The following SIGLEC1 variants were observed in gnomAD, a reference collection of about 807,000 sequenced individuals.
SIGLEC1 encodes the protein sialoadhesin.
In SIGLEC1, 132 loss-of-function variants were observed where a neutral mutation model predicts 148.0. The observed-to-expected ratio is 0.89, with a 90% confidence interval of 0.77 to 1.03. The LOEUF (loss-of-function observed/expected upper bound fraction) is 1.03. Ranked by LOEUF, SIGLEC1 falls within the 50% of genes least tolerant of loss-of-function variation. The pLI, the probability that SIGLEC1 is intolerant of heterozygous loss-of-function variation, is 0.00. For missense variants in SIGLEC1, 2,253 were observed against 2,271.4 expected (o/e 0.99, Z 0.16); for synonymous variants, 945 against 969.0 (o/e 0.98, Z 0.46).
chr20:3,703,581 G>A (rs1486405147), intron 5 of SIGLEC1, 130 bp from the exon 6 acceptor site: 12 of 1,264,476 alleles, frequency 9.5e-6, no homozygotes, highest in Non-Finnish European at 1.3e-5. Flanking sequence ...GCTGCTACAG[G>A]GGAGCCTCCT....
At chr20:3,692,302 A>G (rs1271885872) in intron 16 of SIGLEC1, 100 bp from the exon 17 acceptor site, 3 of 1,282,890 alleles carry the variant, frequency 2.3e-6, no homozygotes, top group African/African-American at 1.5e-5. Context: ...CTCTGGACCA[A>G]TGGCCACTTC....
chr20:3,698,246 G>A, intron 8 of SIGLEC1, 113 bp from the exon 9 acceptor site: 1 of 949,122 alleles, frequency 1.1e-6, no homozygotes, highest in Non-Finnish European at 1.6e-6. Context: ...GCTGCCCCAA[G>A]CAGCTGTGCA....
Position 3,692,036 on chromosome 20 carries a change from T to G in SIGLEC1, c.4197A>C (p.Thr1399=), listed in dbSNP as rs1177484890. 2.5e-6 allele frequency: 4 copies of G among 1,613,160 alleles called. No homozygotes were observed. The South Asian group carries it at 4.4e-5, about 18-fold the overall frequency. ...SSGVHSLASG[T]GHVQVARNAL... ...CGTTTCGGGCCACCTGGACATGGCC[T>G]GTCCCTGATGCCAAGCTGTGGACCC... is the stretch of plus-strand genomic sequence containing the variant. Residue 1399 remains threonine, a synonymous_variant, in exon 17 of 22, where the codon ACA becomes ACC. Coordinates refer to ENST00000344754, the MANE Select transcript of SIGLEC1 (RefSeq NM_023068.4).
At position 3,697,163 on chromosome 20, in the gene SIGLEC1, C is replaced by A; in HGVS notation, c.2302G>T (p.Asp768Tyr). ...ATGCGGCAGGCGTAAAGGGCAGCAT[C>A]AGTTCTGGCCACGGGCAGCAGTGTC... ...TVTLLPVARTDAALYACRILT... is the reference protein window; with the variant it reads ...TVTLLPVARTYAALYACRILT... Residue 768 changes from aspartate (D) to tyrosine (Y), a missense_variant, in exon 10 of 22, where the codon GAT becomes TAT. Transcript: ENST00000344754. 1.9e-6 allele frequency: 3 copies of A among 1,613,826 alleles called. No individual in the cohort carries two copies. Among genetic ancestry groups the A allele is most frequent in the Non-Finnish European group, 2.5e-6 (3 of 1,180,044 alleles).
Position 3,707,163 on chromosome 20 carries a change from G to A in SIGLEC1, c.-35C>T. 1 of 1,609,326 alleles carries A rather than the reference G, an allele frequency of 6.2e-7. No homozygotes were observed. On this transcript the variant is annotated 5_prime_UTR_variant, in exon 2 of 22. Transcript: ENST00000344754. Reference sequence around the variant, plus strand: ...TTGTGCTGCTCCTGTTGCCTAAGAGGGTGGTGCGCACTGCGCTGGCTGGGC... The same window carrying A: ...TTGTGCTGCTCCTGTTGCCTAAGAGAGTGGTGCGCACTGCGCTGGCTGGGC...
At position 3,703,307 on chromosome 20, in the gene SIGLEC1, T is replaced by C. The variant is rs1269268655; in HGVS notation, c.1118A>G (p.His373Arg). 2 of 1,614,036 alleles carry C rather than the reference T, an allele frequency of 1.2e-6. No homozygotes were observed. Among genetic ancestry groups the C allele is most frequent in the Non-Finnish European group, 1.7e-6 (2 of 1,180,024 alleles). ...NHVLLEDAHS[H>R]TLRLHLATRA... The stretch of plus-strand genomic sequence containing the variant: ...AGTGGCCAAGTGCAGCCGGAGGGTA[T>C]GGGAGTGGGCATCCTCCAGCAGGAC... Residue 373 changes from histidine to arginine, a missense_variant, in exon 6 of 22, where the codon CAT becomes CGT. Transcript: ENST00000344754.
chr20:3,709,861 C>T (rs1396196553), intron 1 of SIGLEC1, among the ~76,000 whole-genome samples: 1 of 152,144 alleles, frequency 6.6e-6, no homozygotes, highest in Non-Finnish European at 1.5e-5. Flanking sequence ...TACGTATATT[C>T]AGAGACTGAA....
chr20:3,698,721 C>T (rs1475606441), intron 8 of SIGLEC1, among the ~76,000 whole-genome samples: 33 of 152,198 alleles, frequency 2.2e-4, no homozygotes, highest in Non-Finnish European at 1.3e-4. Context: ...AGTTCCGGGA[C>T]GTGGCTCCGG....
Position 3,691,926 on chromosome 20 carries a change from G to T in SIGLEC1, c.4307C>A (p.Thr1436Asn). The T allele has an allele frequency of 4.4e-6, 7 of 1,587,868 alleles. No individual in the cohort carries two copies. The highest frequency in any genetic ancestry group is 6.0e-6 in the Non-Finnish European group (7 of 1,160,996). Residue 1436 changes from threonine (T) to asparagine (N), a missense_variant, in exon 17 of 22, where the codon ACC becomes AAC. Thr to Asn is a moderately conservative substitution (Grantham distance 65). Coordinates refer to ENST00000344754, the MANE Select transcript of SIGLEC1 (RefSeq NM_023068.4). ...ACCTTCTACCTGCAACCGCCCGATG[G>T]TGCTGATTGAGCCCAGCAAGTTTTG... is the stretch of plus-strand genomic sequence containing the variant. ...TAQNLLGSIS[T>N]IGRLQVEGAR...
rs982480523 is a variant in SIGLEC1, at chr20:3,692,024, C to G, written c.4209G>C (p.Gln1403His). The change falls in exon 17 of 22, where the codon CAG becomes CAC. Residue 1403 changes from glutamine (Q) to histidine (H), a missense_variant. Physicochemically the swap from Gln to His is conservative, Grantham distance 24. Transcript: ENST00000344754. ...GCAGCCGTAGGGCGTTTCGGGCCAC[C>G]TGGACATGGCCTGTCCCTGATGCCA... is the stretch of plus-strand genomic sequence containing the variant. ...HSLASGTGHV[Q>H]VARNALRLQV... The G allele has an allele frequency of 6.2e-7, 1 of 1,613,382 alleles. No homozygotes were observed. Among genetic ancestry groups the G allele is most frequent in the Non-Finnish European group, 8.5e-7 (1 of 1,179,822 alleles).
At chr20:3,690,409 C>T (rs1412369133) in intron 18 of SIGLEC1, 145 bp from the exon 19 acceptor site, 1 of 698,072 alleles carries the variant, frequency 1.4e-6, no homozygotes, top group African/African-American at 1.8e-5. Flanking sequence ...CTCAGTTTGA[C>T]CAATTGAAGA....
rs1286262394 is a variant in SIGLEC1, at chr20:3,688,468, C to G, written c.*92G>C. Reference sequence around the variant, plus strand: ...ACAGAGCTGTTTTCGTAGAGGCGGGCAGGACTCAACACTGCCTCATTCACA... The same window carrying G: ...ACAGAGCTGTTTTCGTAGAGGCGGGGAGGACTCAACACTGCCTCATTCACA... On this transcript the variant is annotated 3_prime_UTR_variant, in exon 22 of 22. Coordinates refer to ENST00000344754, the MANE Select transcript of SIGLEC1 (RefSeq NM_023068.4). 1.9e-6 allele frequency: 2 copies of G among 1,074,740 alleles called. No homozygotes were observed. Among genetic ancestry groups the G allele is most frequent in the Non-Finnish European group, 2.8e-6 (2 of 713,858 alleles). 66.6% of individuals were successfully genotyped at this position (1,074,740 alleles called of 1,614,324 possible).
At chr20:3,703,115 C>T (rs754011722) in intron 6 of SIGLEC1, 82 bp downstream of exon 6, 5 of 1,577,316 alleles carry the variant, frequency 3.2e-6, no homozygotes, top group South Asian at 1.1e-5. Context: ...TTCCCATGCC[C>T]AGGACCCCAA....
At chr20:3,711,022 G>A (rs1418306626) in intron 1 of SIGLEC1, among the ~76,000 whole-genome samples, 1 of 152,114 alleles carries the variant, frequency 6.6e-6, no homozygotes, top group African/African-American at 2.4e-5. Flanking sequence ...CCCGCCCCCC[G>A]CCCCCCGCAA....
chr20:3,702,725 G>A (rs1222439414), intron 6 of SIGLEC1, among the ~76,000 whole-genome samples: 3 of 152,048 alleles, frequency 2.0e-5, no homozygotes, highest in Non-Finnish European at 2.9e-5. Flanking sequence ...TAAATATGTA[G>A]GTAGATACAT....
In SIGLEC1 at chr20:3,688,364, A is replaced by C. The variant is rs1477350510; in HGVS notation, c.*196T>G. ...CTCTTCAGTGTCCTCCAGGGTCAAC[A>C]CCCTCCTGGGCAGACCTCTCACCAC... On this transcript the variant is annotated 3_prime_UTR_variant, in exon 22 of 22. Transcript: ENST00000344754. 1.6e-6 allele frequency: 1 copy of C among 630,360 alleles called. No individual in the cohort carries two copies. Among genetic ancestry groups the C allele is most frequent in the Non-Finnish European group, 2.9e-6 (1 of 345,470 alleles). The allele number at this position is 630,360 out of a possible 1,614,324, so 39.0% of individuals were successfully genotyped here. A position where few individuals can be genotyped will look rare whatever the true frequency, so the allele number is the denominator to read the frequency against.
At position 3,687,718 on chromosome 20, in the gene SIGLEC1, C is replaced by A. The variant is rs1279081594; in HGVS notation, c.*842G>T. The A allele has an allele frequency of 6.6e-6, 1 of 152,214 alleles. No homozygotes were observed. The highest frequency in any genetic ancestry group is 2.4e-5 in the African/African-American group (1 of 41,442). The allele number at this position is 152,214 out of a possible 1,614,324, so 9.4% of individuals were successfully genotyped here. A position where few individuals can be genotyped will look rare whatever the true frequency, so the allele number is the denominator to read the frequency against. ...CAAAACATGGCCTGCTGGTGGCATT[C>A]CCAACAATGTCAAAAGTCTCAGGGA... On this transcript the variant is annotated 3_prime_UTR_variant, in exon 22 of 22. Coordinates refer to ENST00000344754, the MANE Select transcript of SIGLEC1 (RefSeq NM_023068.4).
chr20:3,706,369 T>C lies in SIGLEC1; in HGVS notation c.387A>G (p.Lys129=). The change falls in exon 3 of 22, where the codon AAA becomes AAG. Residue 129 remains lysine, a synonymous_variant. Coordinates refer to ENST00000344754, the MANE Select transcript of SIGLEC1 (RefSeq NM_023068.4). ...ISEVNRWSDV[K]GTLVTVTEEP... ...CACCTGTTACTGTGACCAAGGTGCC[T>C]TTCACATCTGACCAGCGGTTGACCT... 1 of 1,612,744 alleles carries C rather than the reference T, an allele frequency of 6.2e-7. No individual in the cohort carries two copies. The highest frequency in any genetic ancestry group is 8.5e-7 in the Non-Finnish European group (1 of 1,179,298).
At chr20:3,689,753 C>T (rs1397026017) in intron 19 of SIGLEC1, 51 bp from the exon 20 acceptor site, 1 of 1,492,830 alleles carries the variant, frequency 6.7e-7, no homozygotes, top group Non-Finnish European at 9.1e-7. Context: ...GCCCCCAGTG[C>T]TTCCTTCCAA....
Sources: allele counts gnomAD v4.1 joint callset (sites outside exome capture counted in the v4.1 genomes callset), GRCh38; gene constraint gnomAD v4.1.1; transcripts MANE v1.5; gene names NCBI Gene and HGNC (gene_info 2026-07-23, HGNC 2026-07-21).